PRKCB: variants seen among roughly 807,000 people sequenced by gnomAD.
PRKCB encodes the protein protein kinase C beta, also known as protein kinase C beta type.
Under a neutral mutation model 81.5 loss-of-function variants are expected in PRKCB, and 13 were observed. The ratio of observed to expected loss-of-function variants is 0.16; its 90% CI spans 0.10 to 0.25. The LOEUF (loss-of-function observed/expected upper bound fraction) is 0.25, where lower values mean the gene tolerates loss of function less well. Among genes scored for constraint, PRKCB ranks in the 10% least tolerant of loss-of-function variants. The pLI is 1.00. For synonymous variants in PRKCB, 335 were observed against 321.4 expected, an observed-to-expected ratio of 1.04 and a Z score of -0.45; for missense variants, 509 against 875.7, an observed-to-expected ratio of 0.58 and a Z score of 5.29.
chr16:24,189,963 T>C (rs1316016975), intron 15 of PRKCB, among the ~76,000 whole-genome samples: 1 of 152,190 alleles, frequency 6.6e-6, no homozygotes, highest in Non-Finnish European at 1.5e-5. Flanking sequence ...TCTTCTGTCT[T>C]TACTCCCTGT....
In PRKCB at chr16:23,889,646, G is replaced by A. The variant is rs144406366; in HGVS notation, c.205+52240G>A. Among the ~76,000 whole-genome samples the A allele has an allele frequency of 2.8e-3, 425 of 152,342 alleles. 2 individuals are homozygous for A. Among genetic ancestry groups the A allele is most frequent in the African/African-American group, 9.5e-3 (395 of 41,570 alleles). On this transcript the variant is annotated intron_variant, in intron 2 of 16. Coordinates refer to ENST00000643927, the MANE Select transcript of PRKCB (RefSeq NM_002738.7). ...AGTGATGTATGTTCACTTTTATGCT[G>A]GGACATGTAATTGCTGGTTCTAGAT...
At chr16:24,154,293 A>T (rs1967121863) in intron 9 of PRKCB, among the ~76,000 whole-genome samples, 1 of 152,216 alleles carries the variant, frequency 6.6e-6, no homozygotes, top group South Asian at 2.1e-4. Context: ...CCTGGGCAAC[A>T]TAGTGAGACC....
At chr16:24,195,334 T>C (rs1010698272) in intron 16 of PRKCB, among the ~76,000 whole-genome samples, 4 of 152,208 alleles carry the variant, frequency 2.6e-5, no homozygotes, top group African/African-American at 9.6e-5. Flanking sequence ...TCCTCACCCC[T>C]TCTTAACTGT....
intron 5 of PRKCB, among the ~76,000 whole-genome samples, chr16:24,039,132 G>A (rs1429497037): frequency 1.3e-5 from 2 of 152,206 alleles, no homozygotes; most frequent in African/African-American, 4.8e-5. Context: ...TGCAAGCCAG[G>A]AAGTGAGTCC....
At chr16:23,966,564 A>G (rs1238302676) in intron 2 of PRKCB, among the ~76,000 whole-genome samples, 2 of 152,178 alleles carry the variant, frequency 1.3e-5, no homozygotes, top group African/African-American at 2.4e-5. Context: ...ATCCCTTCGA[A>G]TCTAAAATCC....
At chr16:24,104,612 A>G (rs1966551791) in intron 7 of PRKCB, among the ~76,000 whole-genome samples, 1 of 152,236 alleles carries the variant, frequency 6.6e-6, no homozygotes, top group Non-Finnish European at 1.5e-5. Flanking sequence ...GGAACTCAGG[A>G]AAGAACTCAC....
intron 2 of PRKCB, among the ~76,000 whole-genome samples, chr16:23,937,164 A>G (rs1048488217): frequency 6.6e-6 from 1 of 152,190 alleles, no homozygotes; most frequent in African/African-American, 2.4e-5. Flanking sequence ...TGCAGGCACC[A>G]TCTGGTGTTT....
chr16:24,175,685 GA>G (rs1967518374), intron 12 of PRKCB, among the ~76,000 whole-genome samples: 2 of 151,776 alleles, frequency 1.3e-5, no homozygotes, highest in Admixed American at 6.6e-5. Flanking sequence ...TAAAAGGCAT[GA>G]GGGGGCTGGG....
chr16:23,871,858 G>GTTTTTTTTTTTTTTTTTTTTAATTTTT (rs1962910265), intron 2 of PRKCB, among the ~76,000 whole-genome samples: 1 of 146,876 alleles, frequency 6.8e-6, no homozygotes. Flanking sequence ...AGTTATACAG[G>GTTTTTTTTTTTTTTTTTTTTAATTTTT]TTTTTTTTTT....
chr16:24,019,520 C>T (rs1022109916), intron 3 of PRKCB, among the ~76,000 whole-genome samples: 2 of 152,116 alleles, frequency 1.3e-5, no homozygotes, highest in Non-Finnish European at 2.9e-5. Context: ...TCCTAGCATT[C>T]TGGGAGGCCG....
chr16:23,848,561 C>T (rs1385530996), intron 2 of PRKCB, among the ~76,000 whole-genome samples: 4 of 152,194 alleles, frequency 2.6e-5, no homozygotes, highest in Middle Eastern at 3.4e-3. Context: ...CGCGGAGGGC[C>T]GTAGAAATGA....
intron 2 of PRKCB, among the ~76,000 whole-genome samples, chr16:23,940,075 TGAC>T (rs1964119430): frequency 6.6e-6 from 1 of 152,120 alleles, no homozygotes; most frequent in South Asian, 2.1e-4. Flanking sequence ...GGAACACAGA[TGAC>T]AAATAAACAC....
At chr16:23,937,801 C>T (rs916659401) in intron 2 of PRKCB, among the ~76,000 whole-genome samples, 1 of 152,168 alleles carries the variant, frequency 6.6e-6, no homozygotes, top group African/African-American at 2.4e-5. Flanking sequence ...GCTAATTTTC[C>T]TACATTCATT....
chr16:24,047,049 G>C (rs762940368), intron 5 of PRKCB, among the ~76,000 whole-genome samples: 1 of 152,022 alleles, frequency 6.6e-6, no homozygotes, highest in Non-Finnish European at 1.5e-5. Context: ...TTAAAAATTA[G>C]CTGGGTAGGC....
intron 10 of PRKCB, among the ~76,000 whole-genome samples, chr16:24,168,971 C>T (rs1397291170): frequency 2.0e-5 from 3 of 152,038 alleles, no homozygotes; most frequent in Non-Finnish European, 4.4e-5. Flanking sequence ...GGCTTCAATA[C>T]TCAGGCAGTA....
At chr16:24,201,475 A>G (rs1258104408) in intron 16 of PRKCB, among the ~76,000 whole-genome samples, 2 of 152,290 alleles carry the variant, frequency 1.3e-5, no homozygotes, top group East Asian at 3.9e-4. Context: ...TGCAACTTCT[A>G]CCAAAGAAAA....
At chr16:24,095,812 G>A (rs936044200) in intron 7 of PRKCB, among the ~76,000 whole-genome samples, 21 of 152,068 alleles carry the variant, frequency 1.4e-4, no homozygotes, top group Admixed American at 1.3e-3. Flanking sequence ...CAAAAGGCCA[G>A]TCTACAATAG....
At chr16:23,983,129 A>G (rs551894826) in intron 2 of PRKCB, among the ~76,000 whole-genome samples, 3 of 150,732 alleles carry the variant, frequency 2.0e-5, no homozygotes, top group South Asian at 4.2e-4. Context: ...AAAAAAAAAC[A>G]GAAAACAAAA....
intron 5 of PRKCB, among the ~76,000 whole-genome samples, chr16:24,061,910 TAAA>T (rs1210402981): frequency 1.4e-4 from 13 of 93,762 alleles, no homozygotes; most frequent in African/African-American, 3.7e-4. Flanking sequence ...CTTAAATAAA[TAAA>T]AAAAAAAAAA....
Sources: allele counts gnomAD v4.1 joint callset (sites outside exome capture counted in the v4.1 genomes callset), GRCh38; gene constraint gnomAD v4.1.1; transcripts MANE v1.5; gene names NCBI Gene and HGNC (gene_info 2026-07-23, HGNC 2026-07-21).